Variants in MAP3K7CL observed in about 807,000 individuals in gnomAD.
MAP3K7CL encodes MAP3K7 C-terminal like.
A neutral mutation model predicts 18.6 loss-of-function variants in MAP3K7CL; 16 were observed. The observed-to-expected ratio is 0.86, with a 90% CI of 0.58 to 1.31. MAP3K7CL has a LOEUF of 1.31. Ranked by LOEUF, MAP3K7CL falls within the 50% of genes most tolerant of loss-of-function variation. The pLI is 0.00. For missense variants in MAP3K7CL, 163 were observed against 174.4 expected (o/e 0.93, Z 0.37); for synonymous variants, 65 against 66.8 (o/e 0.97, Z 0.13).
At chr21:29,147,035 A>T (rs1436396741) in intron 2 of MAP3K7CL, among the ~76,000 whole-genome samples, 3 of 151,902 alleles carry the variant, frequency 2.0e-5, no homozygotes, top group Admixed American at 6.5e-5. Flanking sequence ...AAGAACACCA[A>T]CAAGTTTTTA....
chr21:29,130,029 A>C (rs1414506751), upstream of MAP3K7CL, among the ~76,000 whole-genome samples: 1 of 152,034 alleles, frequency 6.6e-6, no homozygotes, highest in Non-Finnish European at 1.5e-5. Context: ...GAATTTTAAG[A>C]GTTCATTGTA....
At position 29,131,597 on chromosome 21, in the gene MAP3K7CL, ATTTC is replaced by A. The variant is rs1950909773; in HGVS notation, c.-40+680_-40+683del. On this transcript the variant is annotated intron_variant, in intron 1 of 4. Coordinates refer to ENST00000399928, the MANE Select transcript of MAP3K7CL (RefSeq NM_001286620.2). Reference sequence around the variant, plus strand: ...TTAAAATTAAATGTTTCATGTCACTATTTCTTTCTAACTTAGAATTACATGATAT... The same window carrying A: ...TTAAAATTAAATGTTTCATGTCACTATTTCTAACTTAGAATTACATGATAT... 3 of 152,254 alleles carry A rather than the reference ATTTC, an allele frequency of 2.0e-5. No homozygotes were observed. The South Asian group carries it at 6.2e-4, about 32-fold the overall frequency. The allele number at this position is 152,254 out of a possible 1,614,324, so 9.4% of individuals were successfully genotyped here.
intron 2 of MAP3K7CL, among the ~76,000 whole-genome samples, chr21:29,147,509 T>G (rs897732744): frequency 2.0e-5 from 3 of 152,030 alleles, no homozygotes; most frequent in African/African-American, 4.8e-5. Flanking sequence ...GTACTGTATA[T>G]GCATCTGTAC....
chr21:29,116,447 A>G (rs1471948785), intron 4 of MAP3K7CL, among the ~76,000 whole-genome samples: 3 of 152,254 alleles, frequency 2.0e-5, no homozygotes, highest in African/African-American at 7.2e-5. Flanking sequence ...CATTAGTAAC[A>G]GAATCACATG....
intron 4 of MAP3K7CL, among the ~76,000 whole-genome samples, chr21:29,117,432 C>T (rs143530316): frequency 1.5e-4 from 23 of 152,324 alleles, no homozygotes; most frequent in African/African-American, 5.5e-4. Context: ...ATCTGATGCT[C>T]CATTTTAGTT....
intron 3 of MAP3K7CL, among the ~76,000 whole-genome samples, chr21:29,152,146 G>A (rs2087290635): frequency 6.6e-6 from 1 of 152,168 alleles, no homozygotes; most frequent in South Asian, 2.1e-4. Context: ...CAAGGCTTTT[G>A]GGTAGGGTTG....
intron 4 of MAP3K7CL, chr21:29,121,981 TCA>T: frequency 6.6e-6 from 1 of 152,206 alleles, no homozygotes; most frequent in South Asian, 2.1e-4. Flanking sequence ...CTGCAAGTAC[TCA>T]GTCATCAGCA....
At chr21:29,163,902 TG>T (rs1373094101) in intron 4 of MAP3K7CL, among the ~76,000 whole-genome samples, 1 of 151,950 alleles carries the variant, frequency 6.6e-6, no homozygotes, top group Non-Finnish European at 1.5e-5. Context: ...CTTGCTATGT[TG>T]CCCAGGCTGG....
chr21:29,119,568 T>A (rs898551138), intron 4 of MAP3K7CL, among the ~76,000 whole-genome samples: 3 of 152,172 alleles, frequency 2.0e-5, no homozygotes, highest in African/African-American at 7.2e-5. Context: ...GTGTTTCCTG[T>A]GTTCCAGGCT....
At chr21:29,120,268 G>A (rs1380917941) in intron 4 of MAP3K7CL, among the ~76,000 whole-genome samples, 3 of 150,712 alleles carry the variant, frequency 2.0e-5, no homozygotes, top group Admixed American at 1.3e-4. Context: ...TTGTATATTT[G>A]TATCTTTGGC....
chr21:29,093,465 G>A (rs2146506729), intron 4 of MAP3K7CL, among the ~76,000 whole-genome samples: 1 of 151,986 alleles, frequency 6.6e-6, no homozygotes, highest in African/African-American at 2.4e-5. Context: ...AAAGACCTAG[G>A]TTTTTTTGTT....
intron 3 of MAP3K7CL, among the ~76,000 whole-genome samples, chr21:29,152,776 G>C (rs1036426069): frequency 6.6e-6 from 1 of 152,096 alleles, no homozygotes; most frequent in African/African-American, 2.4e-5. Context: ...AGAAACTTGA[G>C]GCCAAATTTT....
chr21:29,090,497 C>A (rs188107796), intron 1 of MAP3K7CL, among the ~76,000 whole-genome samples: 1 of 152,222 alleles, frequency 6.6e-6, no homozygotes, highest in African/African-American at 2.4e-5. Context: ...TCTCCTGCCT[C>A]AGCCTCCCGA....
At chr21:29,160,183 A>G (rs2087512793) in intron 4 of MAP3K7CL, 127 bp downstream of exon 4, 2 of 630,628 alleles carry the variant, frequency 3.2e-6, no homozygotes, top group East Asian at 3.0e-5. Context: ...CAATGATTCA[A>G]GTGGTGCTAT....
At chr21:29,096,418 G>A (rs2086122697) in intron 4 of MAP3K7CL, among the ~76,000 whole-genome samples, 1 of 152,076 alleles carries the variant, frequency 6.6e-6, no homozygotes, top group Admixed American at 6.6e-5. Flanking sequence ...TTGATGATAG[G>A]GAAAGCACAA....
At position 29,106,588 on chromosome 21, in the gene MAP3K7CL, C is replaced by T. The variant is rs16983735; in HGVS notation, c.370+14007C>T. 7.5e-3 allele frequency among the ~76,000 whole-genome samples: 1,147 copies of T among 152,252 alleles called. 11 individuals are homozygous for T. The highest frequency in any genetic ancestry group is 0.025 in the African/African-American group (1,058 of 41,522). On this transcript the variant is annotated intron_variant, in intron 4 of 6. Transcript: ENST00000286791. ...GCACTGATCACAATCTGTACAACCACGTGTGCCAGTTCGGGAACATGACCT... is the reference window on the plus strand; with the variant it reads ...GCACTGATCACAATCTGTACAACCATGTGTGCCAGTTCGGGAACATGACCT...
chr21:29,125,874 G>T (rs764280738), upstream of MAP3K7CL, among the ~76,000 whole-genome samples: 1 of 152,208 alleles, frequency 6.6e-6, no homozygotes, highest in East Asian at 1.9e-4. Flanking sequence ...AACAGGTCCC[G>T]TGGCACTTTC....
chr21:29,097,277 G>C (rs2086139800), intron 4 of MAP3K7CL, among the ~76,000 whole-genome samples: 1 of 152,072 alleles, frequency 6.6e-6, no homozygotes, highest in South Asian at 2.1e-4. Context: ...CTGCAGCATA[G>C]ATGGTAAGTT....
chr21:29,083,096 G>A (rs1002868406), upstream of MAP3K7CL, among the ~76,000 whole-genome samples: 3 of 152,080 alleles, frequency 2.0e-5, no homozygotes, highest in Non-Finnish European at 2.9e-5. Flanking sequence ...ATATTTGGAG[G>A]GCATGATATT....
Sources: gnomAD v4.1 joint callset for allele counts (sites outside exome capture counted in the v4.1 genomes callset) on GRCh38, gnomAD v4.1.1 for gene constraint, MANE v1.5 for transcripts, NCBI Gene and HGNC (gene_info 2026-07-23, HGNC 2026-07-21) for gene names.